NAPSA: variants seen among roughly 807,000 people sequenced by gnomAD.
NAPSA encodes the protein napsin A aspartic peptidase.
A neutral mutation model predicts 36.7 loss-of-function variants in NAPSA; 37 were observed. The ratio of observed to expected loss-of-function variants is 1.01; its 90% confidence interval spans 0.78 to 1.33. The LOEUF (loss-of-function observed/expected upper bound fraction) is 1.33. Ranked by LOEUF, NAPSA falls within the 40% of genes most tolerant of loss-of-function variation. NAPSA has a pLI of 0.00. For missense variants in NAPSA, 532 were observed against 543.8 expected, an observed-to-expected ratio of 0.98 and a Z score of 0.21; for synonymous variants, 222 against 234.5, an observed-to-expected ratio of 0.95 and a Z score of 0.49.
chr19:50,366,618 ATGT>A (rs1459855531), upstream of NAPSA, among the ~76,000 whole-genome samples: 1 of 151,896 alleles, frequency 6.6e-6, no homozygotes, highest in Non-Finnish European at 1.5e-5. Context: ...ATGCTTATAG[ATGT>A]TCATTGGTGG....
Position 50,358,740 on chromosome 19 carries a change from T to A in NAPSA, c.1076A>T (p.Gln359Leu). 1.2e-6 allele frequency: 2 copies of A among 1,613,116 alleles called. No homozygotes were observed. The highest frequency in any genetic ancestry group is 1.7e-6 in the Non-Finnish European group (2 of 1,179,874). The part of the protein sequence containing the change: ...NGVRLCLSGF[Q>L]ALDVPPPAGP... The stretch of plus-strand genomic sequence containing the variant: ...TGCAGGCGGAGGGACATCCAGGGCC[T>A]GGAAACCGGACAAGCAGAGGCGGAC... Residue 359 changes from glutamine to leucine, a missense_variant, in exon 9 of 9, where the codon CAG becomes CTG. By Grantham distance (113) the Gln-to-Leu change is moderately radical. Transcript: ENST00000253719.
chr19:50,359,289 C>T, intron 7 of NAPSA, 180 bp from the exon 8 acceptor site: 1 of 842,116 alleles, frequency 1.2e-6, no homozygotes, highest in Non-Finnish European at 1.8e-6. Flanking sequence ...GATCGTCTCC[C>T]TCCACCCGGC....
chr19:50,365,629 G>A lies in NAPSA; in HGVS notation c.-8C>T. 6.2e-7 allele frequency: 1 copy of A among 1,603,040 alleles called. No individual in the cohort carries two copies. The highest frequency in any genetic ancestry group is 8.5e-7 in the Non-Finnish European group (1 of 1,174,904). ...CAGCGGTGGTGGAGACATCGCTGGG[G>A]ACCTGGGTGTGAACCCAGGTGTCCT... On this transcript the variant is annotated 5_prime_UTR_variant, in exon 1 of 9. Coordinates refer to ENST00000253719, the MANE Select transcript of NAPSA (RefSeq NM_004851.3).
chr19:50,366,398 C>T (rs890574319), upstream of NAPSA, among the ~76,000 whole-genome samples: 1 of 151,890 alleles, frequency 6.6e-6, no homozygotes, highest in Non-Finnish European at 1.5e-5. Context: ...CTGCACCCAG[C>T]TGATTCTCAA....
At chr19:50,365,063 C>T (rs1217909322) in intron 1 of NAPSA, among the ~76,000 whole-genome samples, 3 of 149,664 alleles carry the variant, frequency 2.0e-5, no homozygotes, top group African/African-American at 4.9e-5. Context: ...CAGCCAGGCG[C>T]GGTGGCTCAC....
intron 4 of NAPSA, chr19:50,361,394 GCTC>G: frequency 1.7e-6 from 1 of 579,006 alleles, no homozygotes; most frequent in African/African-American, 1.9e-5. Flanking sequence ...CACCCAGGAA[GCTC>G]CTCCTCCCTG....
rs573494232 is a variant in NAPSA at position 50,359,137 on chromosome 19, T to C, written c.937-28A>G. ...GGGGGAGAAGAGGAACTAGTGAAGA[T>C]GAGAGATTCCTGCTCTGTTCAGTCC... is the stretch of plus-strand genomic sequence containing the variant. On this transcript the variant is annotated intron_variant, in intron 7 of 8. Coordinates refer to ENST00000253719, the MANE Select transcript of NAPSA (RefSeq NM_004851.3). 4 of 1,575,298 alleles carry C rather than the reference T, an allele frequency of 2.5e-6. No homozygotes were observed. In the African/African-American group the frequency reaches 4.0e-5, roughly 16 times the overall value.
rs528656320 is a variant in NAPSA, at chr19:50,359,377, G to A, written c.936+126C>T. On this transcript the variant is annotated intron_variant, in intron 7 of 8. Coordinates refer to ENST00000253719, the MANE Select transcript of NAPSA (RefSeq NM_004851.3). ...CACCACCCTCCAGACTATCTGTCAC[G>A]AAGTCCAGTGCCTGCTGCCCTGGAA... 7.8e-6 allele frequency: 10 copies of A among 1,289,980 alleles called. No homozygotes were observed. In the South Asian group the frequency reaches 1.2e-4, roughly 16 times the overall value. 79.9% of individuals were successfully genotyped at this position (1,289,980 alleles called of 1,614,324 possible). A position where few individuals can be genotyped will look rare whatever the true frequency, so the allele number is the denominator to read the frequency against.
rs1458302716 is a variant in NAPSA at position 50,358,570 on chromosome 19, C to G, written c.1246G>C (p.Ala416Pro). Residue 416 changes from alanine (A) to proline (P), a missense_variant, in exon 9 of 9, where the codon GCG becomes CCG. Coordinates refer to ENST00000253719, the MANE Select transcript of NAPSA (RefSeq NM_004851.3). ...CTTGGGCGTCACCCGGGGAACTGCGCCTGCGCAGTCTCTCCCCATCCGAGG... is the reference window on the plus strand; with the variant it reads ...CTTGGGCGTCACCCGGGGAACTGCGGCTGCGCAGTCTCTCCCCATCCGAGG... ...ADLGWGETAQ[A>P]QFPG 10 of 1,603,124 alleles carry G rather than the reference C, an allele frequency of 6.2e-6. No homozygotes were observed. In the Admixed American group the frequency reaches 1.4e-4, roughly 22 times the overall value.
In NAPSA at chr19:50,365,539, C is replaced by T. The variant is rs1269953735; in HGVS notation, c.83G>A (p.Arg28His). Residue 28 changes from arginine to histidine, a missense_variant and splice_region_variant, in exon 1 of 9, where the codon CGC becomes CAC. Around this residue, in one of 3 missense-constraint regions of NAPSA, gnomAD observed 102 missense variants for 93.6 expected, o/e 1.09. Transcript: ENST00000253719. ...NVEPSGATLI[R>H]IPLHRVQPGR... ...GGGGTGGTAGATGGGGTCACCATACCGGATCAGTGTGGCCCCGGAAGGCTC... is the reference window on the plus strand; with the variant it reads ...GGGGTGGTAGATGGGGTCACCATACTGGATCAGTGTGGCCCCGGAAGGCTC... The T allele has an allele frequency of 5.0e-6, 8 of 1,612,486 alleles. No homozygotes were observed. Among genetic ancestry groups the T allele is most frequent in the Non-Finnish European group, 6.8e-6 (8 of 1,179,258 alleles).
rs1429516424 is a variant in NAPSA at position 50,362,197 on chromosome 19, A to C, written c.200T>G (p.Phe67Cys). Residue 67 changes from phenylalanine to cysteine, a missense_variant, in exon 2 of 9, where the codon TTC becomes TGC. Transcript: ENST00000253719. Reference sequence around the variant, plus strand: ...ATCCCTGTAGTTCGAGAGAGGTACGAAGATGGGCTTGTCCCCAGGGGATGG... The same window carrying C: ...ATCCCTGTAGTTCGAGAGAGGTACGCAGATGGGCTTGTCCCCAGGGGATGG... ...GAPSPGDKPI[F>C]VPLSNYRDVQ... The C allele has an allele frequency of 6.8e-6, 11 of 1,613,792 alleles. No homozygotes were observed. The highest frequency in any genetic ancestry group is 9.3e-6 in the Non-Finnish European group (11 of 1,179,896).
intron 8 of NAPSA, 100 bp downstream of exon 8, chr19:50,358,911 A>T: frequency 7.4e-7 from 1 of 1,348,140 alleles, no homozygotes; most frequent in Non-Finnish European, 1.0e-6. Context: ...GGGAAAAGAA[A>T]TGTTTCTGTG....
At chr19:50,366,188 G>T (rs536817649), upstream of NAPSA, among the ~76,000 whole-genome samples, 30 of 150,886 alleles carry the variant, frequency 2.0e-4, no homozygotes, top group South Asian at 1.9e-3. Context: ...TTTGTTTTTT[G>T]GTTTTTTTTT....
chr19:50,363,638 C>G (rs549867285), intron 1 of NAPSA, among the ~76,000 whole-genome samples: 1 of 152,160 alleles, frequency 6.6e-6, no homozygotes, highest in African/African-American at 2.4e-5. Context: ...TCATAGCCCA[C>G]TGCCCCCTCG....
chr19:50,361,418 C>T (rs1226425930), intron 4 of NAPSA: 1 of 588,704 alleles, frequency 1.7e-6, no homozygotes, highest in East Asian at 2.8e-5. Flanking sequence ...CTTGAGAAGC[C>T]CCACCTCTTA....
In NAPSA at chr19:50,358,599, G is replaced by C; in HGVS notation, c.1217C>G (p.Ala406Gly). ...VGLARARTRG[A>G]DLGWGETAQA... ...CGCAGTCTCTCCCCATCCGAGGTCC[G>C]CTCCGCGAGTGCGAGCGCGCGCCAG... The change falls in exon 9 of 9, where the codon GCG becomes GGG. Residue 406 changes from alanine to glycine, a missense_variant. By Grantham distance (60) the Ala-to-Gly change is moderately conservative. Coordinates refer to ENST00000253719, the MANE Select transcript of NAPSA (RefSeq NM_004851.3). The C allele has an allele frequency of 1.9e-6, 3 of 1,611,510 alleles. No individual in the cohort carries two copies. Among genetic ancestry groups the C allele is most frequent in the South Asian group, 1.1e-5 (1 of 90,876 alleles).
At chr19:50,365,653 C>T, upstream of NAPSA, 1 of 1,569,692 alleles carries the variant, frequency 6.4e-7, no homozygotes. Flanking sequence ...CCCAGGTGTC[C>T]TGGGGCCTCA....
At chr19:50,363,683 C>T (rs1311435703) in intron 1 of NAPSA, among the ~76,000 whole-genome samples, 2 of 152,080 alleles carry the variant, frequency 1.3e-5, no homozygotes, top group Non-Finnish European at 2.9e-5. Context: ...CTTCCTCACC[C>T]TCCTGAACTA....
intron 5 of NAPSA, among the ~76,000 whole-genome samples, chr19:50,360,328 A>C (rs2037455554): frequency 6.6e-6 from 1 of 152,088 alleles, no homozygotes; most frequent in African/African-American, 2.4e-5. Context: ...TGGAAGGTGG[A>C]GGAGAGCAGG....
Sources: allele counts gnomAD v4.1 joint callset (sites outside exome capture counted in the v4.1 genomes callset), GRCh38; gene constraint gnomAD v4.1.1; regional missense constraint gnomAD v4.1.1; transcripts MANE v1.5; gene names NCBI Gene and HGNC (gene_info 2026-07-23, HGNC 2026-07-21).